The following NALCN variants were observed in gnomAD, a reference collection of about 807,000 sequenced individuals.
NALCN encodes sodium leak channel NALCN.
A neutral mutation model predicts 225.3 loss-of-function variants in NALCN; 111 were observed. The observed-to-expected ratio is 0.49, with a 90% confidence interval of 0.42 to 0.58. NALCN has a LOEUF of 0.58. Ranked by LOEUF, NALCN falls within the 20% of genes least tolerant of loss-of-function variation. NALCN has a pLI of 0.00. For missense variants in NALCN, 1,378 were observed against 2,202.4 expected, an observed-to-expected ratio of 0.63 and a Z score of 7.49; for synonymous variants, 764 against 769.0, an observed-to-expected ratio of 0.99 and a Z score of 0.11.
At chr13:101,213,625 T>C (rs2040610812) in intron 13 of NALCN, among the ~76,000 whole-genome samples, 1 of 152,182 alleles carries the variant, frequency 6.6e-6, no homozygotes, top group Non-Finnish European at 1.5e-5. Context: ...CTTCAAAAAG[T>C]GGGCGAAGGA....
chr13:101,380,169 A>G (rs890848632), intron 3 of NALCN, among the ~76,000 whole-genome samples: 6 of 152,124 alleles, frequency 3.9e-5, no homozygotes, highest in African/African-American at 1.4e-4. Context: ...CAGAAAATGC[A>G]AAATAACTGA....
chr13:101,091,667 G>T lies in NALCN; in HGVS notation c.3270-1701C>A, dbSNP rs144780726. Among the ~76,000 whole-genome samples the T allele has an allele frequency of 5.9e-5, 9 of 152,230 alleles. No individual in the cohort carries two copies. In the East Asian group the frequency reaches 1.5e-3, roughly 26 times the overall value. Reference sequence around the variant, plus strand: ...ACTAAATTTCATATATTTTACAGTAGACAGAAGTTATAAGGATTCTACAGA... The same window carrying T: ...ACTAAATTTCATATATTTTACAGTATACAGAAGTTATAAGGATTCTACAGA... On this transcript the variant is annotated intron_variant, in intron 28 of 43. Transcript: ENST00000251127.
chr13:101,307,049 T>C (rs1486868461), intron 7 of NALCN, among the ~76,000 whole-genome samples: 3 of 152,174 alleles, frequency 2.0e-5, no homozygotes, highest in Non-Finnish European at 2.9e-5. Flanking sequence ...CCACAACCAA[T>C]AGACATGAGC....
chr13:101,140,771 T>G (rs1236266482), intron 17 of NALCN, among the ~76,000 whole-genome samples: 2 of 151,800 alleles, frequency 1.3e-5, no homozygotes, highest in Non-Finnish European at 2.9e-5. Context: ...TTTAAAAAAA[T>G]CAAAAAAGCC....
intron 13 of NALCN, among the ~76,000 whole-genome samples, chr13:101,202,354 C>A (rs1313676565): frequency 2.6e-5 from 4 of 152,168 alleles, no homozygotes; most frequent in African/African-American, 9.6e-5. Context: ...TATTTAAAAT[C>A]CTATGGTAAA....
At chr13:101,241,093 A>G (rs1303705145) in intron 11 of NALCN, among the ~76,000 whole-genome samples, 1 of 152,218 alleles carries the variant, frequency 6.6e-6, no homozygotes, top group African/African-American at 2.4e-5. Context: ...AGTAGACAGA[A>G]AGCACCAGGA....
In NALCN at chr13:101,084,440, C is replaced by CA. The variant is rs201369239; in HGVS notation, c.3490-637dup. On this transcript the variant is annotated intron_variant, in intron 30 of 43. Transcript: ENST00000251127. ...CTGAAGTGTAATTTTAAAAACTAGACAAAAACCCCACTCTCCCTTTCCTTA... is the reference window on the plus strand; with the variant it reads ...CTGAAGTGTAATTTTAAAAACTAGACAAAAAACCCCACTCTCCCTTTCCTTA... Among the ~76,000 whole-genome samples the CA allele has an allele frequency of 5.5e-3, 838 of 152,014 alleles. 9 individuals carry two copies. The highest frequency in any genetic ancestry group is 0.019 in the African/African-American group (798 of 41,528).
At chr13:101,371,416 T>C (rs2046536488) in intron 6 of NALCN, among the ~76,000 whole-genome samples, 1 of 152,124 alleles carries the variant, frequency 6.6e-6, no homozygotes. Flanking sequence ...ACTCCTGGGC[T>C]CAAGTGATCA....
At chr13:101,166,173 CCTT>C (rs2038429631) in intron 15 of NALCN, among the ~76,000 whole-genome samples, 1 of 152,170 alleles carries the variant, frequency 6.6e-6, no homozygotes, top group African/African-American at 2.4e-5. Context: ...GTTGCTTCCA[CCTT>C]CTGTTATTGT....
At chr13:101,237,723 T>A (rs376711239) in intron 12 of NALCN, 32 bp downstream of exon 12, 366 of 1,454,086 alleles carry the variant, frequency 2.5e-4, no homozygotes, top group Non-Finnish European at 3.2e-4. Context: ...ATAAATAAAT[T>A]TCTAAAGACA....
intron 1 of NALCN, among the ~76,000 whole-genome samples, chr13:101,407,356 C>G (rs1360875899): frequency 6.6e-6 from 1 of 152,196 alleles, no homozygotes; most frequent in Non-Finnish European, 1.5e-5. Context: ...GATTTCTCCT[C>G]TGTCTGGGAC....
chr13:101,160,965 T>C (rs1283019724), intron 15 of NALCN, among the ~76,000 whole-genome samples: 2 of 152,196 alleles, frequency 1.3e-5, no homozygotes, highest in African/African-American at 2.4e-5. Context: ...CAGAGACAGG[T>C]TGAGTTACCA....
intron 43 of NALCN, among the ~76,000 whole-genome samples, chr13:101,056,482 G>A (rs1021892795): frequency 6.6e-6 from 1 of 151,928 alleles, no homozygotes; most frequent in African/African-American, 2.4e-5. Flanking sequence ...GGCTGGTCTT[G>A]AACTCCAGGC....
intron 34 of NALCN, among the ~76,000 whole-genome samples, chr13:101,078,726 G>A (rs2033428521): frequency 6.6e-6 from 1 of 152,132 alleles, no homozygotes; most frequent in Non-Finnish European, 1.5e-5. Flanking sequence ...GTTAATGCTG[G>A]AATGAATTAA....
At chr13:101,086,930 G>A (rs935849751) in intron 30 of NALCN, among the ~76,000 whole-genome samples, 11 of 152,038 alleles carry the variant, frequency 7.2e-5, no homozygotes, top group African/African-American at 2.7e-4. Context: ...GCAAACACTT[G>A]TTCTCTGGCC....
intron 3 of NALCN, among the ~76,000 whole-genome samples, chr13:101,390,424 G>A (rs895192768): frequency 4.6e-5 from 7 of 151,980 alleles, no homozygotes; most frequent in Non-Finnish European, 1.0e-4. Flanking sequence ...CATAAAAACA[G>A]AGGGAAATAC....
At chr13:101,411,536 GA>G (rs2139559605) in intron 1 of NALCN, among the ~76,000 whole-genome samples, 1 of 151,856 alleles carries the variant, frequency 6.6e-6, no homozygotes, top group African/African-American at 2.4e-5. Flanking sequence ...TTTTAGCAGG[GA>G]CGGGGTTTCA....
chr13:101,355,069 A>ATC lies in NALCN; in HGVS notation c.645-9651_645-9650dup, dbSNP rs199725468. The stretch of plus-strand genomic sequence containing the variant: ...AAGTGTAGGGCACCTCCCCTCCACT[A>ATC]TCTCTCTCTCGTGTTCATTCTTGTC... On this transcript the variant is annotated intron_variant, in intron 6 of 43. Transcript: ENST00000251127. 4.0e-3 allele frequency among the ~76,000 whole-genome samples: 605 copies of ATC among 151,030 alleles called. 4 individuals carry two copies. The highest frequency in any genetic ancestry group is 0.014 in the Middle Eastern group (4 of 294).
At chr13:101,377,670 T>G (rs1199391636) in intron 4 of NALCN, among the ~76,000 whole-genome samples, 1 of 152,174 alleles carries the variant, frequency 6.6e-6, no homozygotes, top group Non-Finnish European at 1.5e-5. Flanking sequence ...GAATGGGCTG[T>G]GAAGTTTTGA....
Sources: gnomAD v4.1 joint callset for allele counts (sites outside exome capture counted in the v4.1 genomes callset) on GRCh38, gnomAD v4.1.1 for gene constraint, MANE v1.5 for transcripts, NCBI Gene and HGNC (gene_info 2026-07-23, HGNC 2026-07-21) for gene names.